Variants in SIPA1L1 observed in about 807,000 individuals in gnomAD.
SIPA1L1 encodes signal-induced proliferation-associated 1-like protein 1.
In SIPA1L1, 26 loss-of-function variants were observed where a neutral mutation model predicts 162.7. The ratio of observed to expected loss-of-function variants is 0.16; its 90% CI spans 0.12 to 0.22. The LOEUF (loss-of-function observed/expected upper bound fraction) is 0.22, where lower values mean the gene tolerates loss of function less well. SIPA1L1 is among the 10% of genes least tolerant of loss of function. The pLI, the probability that SIPA1L1 is intolerant of heterozygous loss-of-function variation, is 1.00. For missense variants in SIPA1L1, 1,874 were observed against 2,241.0 expected (o/e 0.84, Z 3.31); for synonymous variants, 829 against 837.4 (o/e 0.99, Z 0.17).
intron 17 of SIPA1L1, among the ~76,000 whole-genome samples, chr14:71,721,918 C>G (rs956617239): frequency 6.6e-6 from 1 of 152,344 alleles, no homozygotes; most frequent in South Asian, 2.1e-4. Flanking sequence ...GGTGGCAGAA[C>G]CAGCTGGGAC....
intron 2 of SIPA1L1, among the ~76,000 whole-genome samples, chr14:71,444,323 A>G (rs986045803): frequency 2.0e-5 from 3 of 152,198 alleles, no homozygotes; most frequent in East Asian, 1.9e-4. Flanking sequence ...ATTTACTTCA[A>G]TGAGAACACT....
chr14:71,496,041 C>G (rs1336085032), intron 2 of SIPA1L1, among the ~76,000 whole-genome samples: 1 of 146,784 alleles, frequency 6.8e-6, no homozygotes, highest in Non-Finnish European at 1.5e-5. Context: ...CTGCTGCACT[C>G]TAGCCTGCAA....
Position 71,730,152 on chromosome 14 carries a change from G to A in SIPA1L1, c.4712G>A (p.Ser1571Asn). 3.1e-6 allele frequency: 5 copies of A among 1,614,172 alleles called. No homozygotes were observed. The highest frequency in any genetic ancestry group is 4.2e-6 in the Non-Finnish European group (5 of 1,180,022). The change falls in exon 20 of 24, where the codon AGC becomes AAC. Residue 1571 changes from serine to asparagine, a missense_variant. Physicochemically the swap from Ser to Asn is conservative, Grantham distance 46 (BLOSUM62 1). This residue lies in a region of SIPA1L1 where 936 missense variants were observed against 1,051.9 expected (regional missense o/e 0.89). Transcript: ENST00000381232. ...CTGTCGGACGAGAGCATTTACAATA[G>A]CCAGAGGGAGCACTTTTTCACCTCC... ...RTLSDESIYNSQREHFFTSRA... is the reference protein window; with the variant it reads ...RTLSDESIYNNQREHFFTSRA...
intron 2 of SIPA1L1, among the ~76,000 whole-genome samples, chr14:71,374,846 T>C (rs2039234651): frequency 6.6e-6 from 1 of 152,116 alleles, no homozygotes; most frequent in Non-Finnish European, 1.5e-5. Context: ...CCTATTTCCC[T>C]TTCCCCATCC....
intron 3 of SIPA1L1, among the ~76,000 whole-genome samples, chr14:71,516,164 G>A (rs992692224): frequency 3.3e-5 from 5 of 152,206 alleles, no homozygotes; most frequent in Non-Finnish European, 5.9e-5. Flanking sequence ...GAAATCAGAC[G>A]CATCATGGAT....
At chr14:71,342,850 G>A (rs995811997) in intron 2 of SIPA1L1, among the ~76,000 whole-genome samples, 2 of 152,086 alleles carry the variant, frequency 1.3e-5, no homozygotes, top group South Asian at 4.1e-4. Flanking sequence ...AACTAGGTTG[G>A]GTGGTTTTAT....
At chr14:71,347,781 A>G (rs978522516) in intron 2 of SIPA1L1, among the ~76,000 whole-genome samples, 2 of 152,148 alleles carry the variant, frequency 1.3e-5, no homozygotes, top group East Asian at 1.9e-4. Context: ...TTTGCTGGCC[A>G]TTTGTAGATC....
intron 4 of SIPA1L1, chr14:71,574,766 G>A (rs938741098): frequency 2.6e-5 from 4 of 151,872 alleles, no homozygotes; most frequent in South Asian, 2.1e-4. Context: ...ATTGGTTTGC[G>A]TTTTGATTAA....
chr14:71,441,962 A>G (rs1040431886), intron 2 of SIPA1L1, among the ~76,000 whole-genome samples: 1 of 151,974 alleles, frequency 6.6e-6, no homozygotes, highest in African/African-American at 2.4e-5. Flanking sequence ...ACCTGAGGTC[A>G]GGAGTTCGAG....
At chr14:71,437,097 TC>T (rs2044445531) in intron 2 of SIPA1L1, among the ~76,000 whole-genome samples, 1 of 152,124 alleles carries the variant, frequency 6.6e-6, no homozygotes, top group Non-Finnish European at 1.5e-5. Flanking sequence ...ATCCTGATAA[TC>T]TTATTGGGAT....
At chr14:71,605,995 T>C (rs1027764032) in intron 5 of SIPA1L1, among the ~76,000 whole-genome samples, 6 of 152,004 alleles carry the variant, frequency 3.9e-5, no homozygotes, top group African/African-American at 1.5e-4. Flanking sequence ...TGTGCACTGG[T>C]GTTGGCCATG....
At chr14:71,376,610 G>A (rs768388782) in intron 2 of SIPA1L1, among the ~76,000 whole-genome samples, 2 of 151,108 alleles carry the variant, frequency 1.3e-5, no homozygotes, top group African/African-American at 2.4e-5. Flanking sequence ...GTGTTTCTCC[G>A]AGAGGGGGAT....
chr14:71,639,144 C>T (rs531376560), intron 7 of SIPA1L1, among the ~76,000 whole-genome samples: 1 of 152,214 alleles, frequency 6.6e-6, no homozygotes, highest in Non-Finnish European at 1.5e-5. Context: ...TGATGGCTCA[C>T]TTCTGTAATC....
At chr14:71,643,105 A>T (rs925153168) in intron 7 of SIPA1L1, among the ~76,000 whole-genome samples, 3 of 152,196 alleles carry the variant, frequency 2.0e-5, no homozygotes, top group East Asian at 3.8e-4. Flanking sequence ...CAGATTTTCC[A>T]CATATGATGC....
Position 71,560,339 on chromosome 14 carries a change from C to T in SIPA1L1, c.-302-27232C>T, listed in dbSNP as rs192156503. Among the ~76,000 whole-genome samples, 546 of 152,248 alleles carry T rather than the reference C, an allele frequency of 3.6e-3. 5 individuals are homozygous for T. The highest frequency in any genetic ancestry group is 3.9e-3 in the Non-Finnish European group (267 of 68,028). ...GGCTGTTACACATGTTCAGTGATGC[C>T]ACAAGAGACCCTGGAGCTTTTTCCT... On this transcript the variant is annotated intron_variant, in intron 4 of 23. Transcript: ENST00000381232.
chr14:71,704,772 A>G, intron 15 of SIPA1L1: 2 of 1,608,992 alleles, frequency 1.2e-6, no homozygotes, highest in Non-Finnish European at 1.7e-6. Context: ...CTCGAGCAGC[A>G]TGAATATACA....
intron 3 of SIPA1L1, among the ~76,000 whole-genome samples, chr14:71,516,579 G>A (rs12892512): frequency 0.16 from 24,793 of 152,040 alleles, 2,631 homozygotes; most frequent in Middle Eastern, 0.35. Context: ...TAGAGATGAG[G>A]TCTCCCTGTA....
At chr14:71,584,526 G>C (rs1034565741) in intron 4 of SIPA1L1, among the ~76,000 whole-genome samples, 2 of 152,216 alleles carry the variant, frequency 1.3e-5, no homozygotes, top group Non-Finnish European at 2.9e-5. Context: ...CCTTGAAGGA[G>C]GGACTGGTGG....
chr14:71,637,745 C>T (rs1164939426), intron 7 of SIPA1L1, among the ~76,000 whole-genome samples: 3 of 151,676 alleles, frequency 2.0e-5, no homozygotes, highest in African/African-American at 7.3e-5. Flanking sequence ...AGAACTTTAT[C>T]ATAGATTTTT....
Sources: gnomAD v4.1 joint callset for allele counts (sites outside exome capture counted in the v4.1 genomes callset) on GRCh38, gnomAD v4.1.1 for gene constraint, gnomAD v4.1.1 regional missense constraint, MANE v1.5 for transcripts, NCBI Gene and HGNC (gene_info 2026-07-23, HGNC 2026-07-21) for gene names.